NBPF8: variants seen among roughly 807,000 people sequenced by gnomAD.
The protein encoded by NBPF8 is NBPF member 8.
intron 13 of NBPF8, among the ~76,000 whole-genome samples, chr1:120,452,715 G>T (rs1445529096): frequency 6.6e-6 from 1 of 152,252 alleles, no homozygotes; most frequent in Non-Finnish European, 1.5e-5. Context: ...TGAATGACTT[G>T]TCCTTCCTGA....
At chr1:120,433,218 A>T (rs1338223640), upstream of NBPF8, 16 of 152,340 alleles carry the variant, frequency 1.1e-4, no homozygotes, top group East Asian at 2.1e-3. Flanking sequence ...TTGAAAATCA[A>T]AGAACCTAGA....
upstream of NBPF8, among the ~76,000 whole-genome samples, chr1:120,435,747 T>G (rs1661055223): frequency 1.3e-5 from 2 of 151,514 alleles, no homozygotes; most frequent in African/African-American, 4.9e-5. Flanking sequence ...GCGCCTGTAT[T>G]CCCAGCTACT....
At chr1:120,431,255 G>A (rs1423941412) in intron 3 of NBPF8, among the ~76,000 whole-genome samples, 7 of 23,794 alleles carry the variant, frequency 2.9e-4, no homozygotes, top group African/African-American at 2.8e-3. Context: ...ACACAAACGT[G>A]TGTGTGTGTG....
At chr1:120,449,603 G>A (rs1464078761) in intron 11 of NBPF8, among the ~76,000 whole-genome samples, 5 of 151,020 alleles carry the variant, frequency 3.3e-5, no homozygotes, top group South Asian at 2.1e-4. Flanking sequence ...TTTCAATCAG[G>A]TGGGGGTGGG....
chr1:120,424,648 A>C (rs1399444900), intron 1 of NBPF8, among the ~76,000 whole-genome samples: 1 of 150,394 alleles, frequency 6.6e-6, no homozygotes, highest in Non-Finnish European at 1.5e-5. Context: ...GGGTTTCTTC[A>C]TGTTGGCCAG....
Position 120,464,514 on chromosome 1 carries a change from G to A in NBPF8, n.3425G>A, listed in dbSNP as rs1661689103. On this transcript the variant is annotated non_coding_transcript_exon_variant, in exon 23 of 25. Coordinates refer to ENST00000583271, the Ensembl canonical transcript of NBPF8. The stretch of plus-strand genomic sequence containing the variant: ...ATGGAAGTTCCTTTTATGCATTGGA[G>A]GAAAAACATGTTGGCTTTTCTCTTG... 47 of 1,030,656 alleles carry A rather than the reference G, an allele frequency of 4.6e-5. No individual in the cohort carries two copies. In the East Asian group the frequency reaches 1.1e-3, roughly 24 times the overall value. The allele number at this position is 1,030,656 out of a possible 1,614,324, so 63.8% of individuals were successfully genotyped here.
intron 15 of NBPF8, among the ~76,000 whole-genome samples, chr1:120,454,440 G>A (rs1661376884): frequency 6.6e-6 from 1 of 151,980 alleles, no homozygotes; most frequent in East Asian, 1.9e-4. Flanking sequence ...CCTGAACAAT[G>A]TCCATGGAGT....
At chr1:120,462,350 T>G (rs1256944407) in intron 20 of NBPF8, among the ~76,000 whole-genome samples, 153 bp downstream of exon 18, 1 of 149,738 alleles carries the variant, frequency 6.7e-6, no homozygotes. Context: ...AGAAGATGTT[T>G]AGGTTTCCAT....
intron 15 of NBPF8, among the ~76,000 whole-genome samples, chr1:120,454,418 A>C (rs1348247257): frequency 4.6e-5 from 7 of 151,702 alleles, no homozygotes; most frequent in African/African-American, 1.7e-4. Flanking sequence ...ATCTGTGATT[A>C]AGTCATCTGT....
At chr1:120,466,169 C>T (rs1175285760) in exon 25 of NBPF8, 403 of 1,609,708 alleles carry the variant, frequency 2.5e-4, no homozygotes, top group Non-Finnish European at 2.8e-4. Context: ...TTTACTTTGA[C>T]GGTGACAAGT....
At chr1:120,428,251 G>A (rs1451885098) in intron 3 of NBPF8, among the ~76,000 whole-genome samples, 1 of 152,196 alleles carries the variant, frequency 6.6e-6, no homozygotes, top group Non-Finnish European at 1.5e-5. Flanking sequence ...CAACCCAAGA[G>A]TGTCTTATCT....
At chr1:120,431,666 T>G (rs1660884996), upstream of NBPF8, among the ~76,000 whole-genome samples, 1 of 150,662 alleles carries the variant, frequency 6.6e-6, no homozygotes, top group African/African-American at 2.4e-5. Flanking sequence ...CTTGGAAGTC[T>G]TATACTTGTA....
At chr1:120,432,499 A>G (rs1442911385), upstream of NBPF8, 7 of 150,132 alleles carry the variant, frequency 4.7e-5, no homozygotes, top group Admixed American at 1.3e-4. Flanking sequence ...TAGTTTCTTC[A>G]TAATAGCCCA....
intron 1 of NBPF8, among the ~76,000 whole-genome samples, chr1:120,424,587 A>G (rs1426413497): frequency 3.9e-5 from 6 of 152,080 alleles, no homozygotes; most frequent in African/African-American, 1.4e-4. Context: ...AGCTGGGATT[A>G]CAGGCGCCTG....
At chr1:120,466,137 C>T in exon 25 of NBPF8, 2 of 1,610,482 alleles carry the variant, frequency 1.2e-6, no homozygotes, top group Non-Finnish European at 1.7e-6. Flanking sequence ...TCAGCTTTGC[C>T]CTTGACATGG....
upstream of NBPF8, among the ~76,000 whole-genome samples, chr1:120,415,209 G>A (rs1553244899): frequency 2.1e-3 from 316 of 152,338 alleles, no homozygotes; most frequent in Non-Finnish European, 3.9e-3. Context: ...GGGCCGAGGC[G>A]CGGCGCACGG....
intron 13 of NBPF8, among the ~76,000 whole-genome samples, chr1:120,452,586 T>A (rs1661312600): frequency 6.6e-6 from 1 of 152,172 alleles, no homozygotes; most frequent in Non-Finnish European, 1.5e-5. Flanking sequence ...TGTCTAGTTT[T>A]AAAGGACAGG....
At chr1:120,433,565 T>A (rs1660970524), upstream of NBPF8, 1 of 158,568 alleles carries the variant, frequency 6.3e-6, no homozygotes, top group South Asian at 2.0e-4. Context: ...TGTGGAGTAA[T>A]GACTCCTGAA....
At chr1:120,431,359 A>AATATATATATAT (rs869036983), upstream of NBPF8, among the ~76,000 whole-genome samples, 14 of 42,048 alleles carry the variant, frequency 3.3e-4, no homozygotes, top group Admixed American at 4.7e-4. Flanking sequence ...CCAAATAGGG[A>AATATATATATAT]ATATATATAT....
Sources: allele counts gnomAD v4.1 joint callset (sites outside exome capture counted in the v4.1 genomes callset), GRCh38; gene constraint gnomAD v4.1.1; transcripts MANE v1.5; gene names NCBI Gene and HGNC (gene_info 2026-07-23, HGNC 2026-07-21).